Variants in KCNK9 observed in about 807,000 individuals in gnomAD.
KCNK9 encodes potassium channel subfamily K member 9.
In KCNK9, 1 loss-of-function variant was observed where a neutral mutation model predicts 10.8. The ratio of observed to expected loss-of-function variants is 0.09; its 90% CI spans 0.03 to 0.44. KCNK9 has a LOEUF of 0.44. Ranked by LOEUF, KCNK9 falls within the 20% of genes least tolerant of loss-of-function variation. The pLI, the probability that KCNK9 is intolerant of heterozygous loss-of-function variation, is 0.97. For synonymous variants in KCNK9, 231 were observed against 222.7 expected (o/e 1.04, Z -0.33); for missense variants, 303 against 515.0 (o/e 0.59, Z 3.98).
At chr8:139,651,536 G>A (rs1815864138) in intron 1 of KCNK9, among the ~76,000 whole-genome samples, 1 of 152,144 alleles carries the variant, frequency 6.6e-6, no homozygotes, top group Non-Finnish European at 1.5e-5. Flanking sequence ...ATTAAAGGGT[G>A]GAATTGGATA....
chr8:139,618,460 C>T lies in KCNK9; in HGVS notation c.923G>A (p.Gly308Asp), dbSNP rs758730965. ...GTTCTGCGGTGCCACCGAGCGGCCG[C>T]CATAGTCCTGCGAGCGGTAGCAGGT... ...SCTCYRSQDY[G>D]GRSVAPQNSF... Residue 308 changes from glycine to aspartate, a missense_variant, in exon 2 of 2, where the codon GGC becomes GAC. This residue lies in a region of KCNK9 where 138 missense variants were observed against 161.1 expected (regional missense o/e 0.86). Coordinates refer to ENST00000520439, the MANE Select transcript of KCNK9 (RefSeq NM_001282534.2). The surrounding 1 kb of genome is among the most constrained non-coding windows in gnomAD (Gnocchi z 7.9). 7.2e-5 allele frequency: 116 copies of T among 1,614,104 alleles called. 1 individual carries two copies. The South Asian group carries it at 1.3e-3, about 18-fold the overall frequency.
chr8:139,630,623 C>T (rs1405360492), intron 1 of KCNK9, among the ~76,000 whole-genome samples: 1 of 152,196 alleles, frequency 6.6e-6, no homozygotes, highest in African/African-American at 2.4e-5. Context: ...GGTGGCAGCT[C>T]GGAGAGGGTG....
At chr8:139,616,693 C>G (rs1263421324), downstream of KCNK9, 1 of 152,176 alleles carries the variant, frequency 6.6e-6, no homozygotes, top group African/African-American at 2.4e-5. Flanking sequence ...AACCGTGTTC[C>G]TTCTGAGTAT....
intron 1 of KCNK9, among the ~76,000 whole-genome samples, chr8:139,648,576 G>A (rs1022348364): frequency 2.0e-5 from 3 of 152,134 alleles, no homozygotes; most frequent in Admixed American, 6.5e-5. Context: ...TCAGGAACTC[G>A]CCGGTCCCTG....
chr8:139,604,375 C>A (rs1031513430), intron 2 of KCNK9, among the ~76,000 whole-genome samples: 1 of 152,070 alleles, frequency 6.6e-6, no homozygotes, highest in African/African-American at 2.4e-5. Flanking sequence ...TGGAGAGGCA[C>A]CCTCCAAGAA....
downstream of KCNK9, among the ~76,000 whole-genome samples, chr8:139,608,621 C>CG (rs1311604676): frequency 1.5e-3 from 132 of 88,798 alleles, 1 homozygote; most frequent in East Asian, 1.7e-3. Context: ...GCAGGCTTTG[C>CG]GGGGGGGCGG....
intron 1 of KCNK9, among the ~76,000 whole-genome samples, chr8:139,700,544 G>A (rs75615304): frequency 0.053 from 7,586 of 142,578 alleles, 253 homozygotes; most frequent in East Asian, 0.16. Context: ...ACACACGCGC[G>A]CACACACACA....
Position 139,702,703 on chromosome 8 carries a change from C to A in KCNK9, c.283+7G>T, listed in dbSNP as rs565413028. 3 of 1,604,830 alleles carry A rather than the reference C, an allele frequency of 1.9e-6. No homozygotes were observed. Among genetic ancestry groups the A allele is most frequent in the Non-Finnish European group, 2.5e-6 (3 of 1,178,034 alleles). On this transcript the variant is annotated splice_region_variant and intron_variant, in intron 1 of 1. Coordinates refer to ENST00000520439, the MANE Select transcript of KCNK9 (RefSeq NM_001282534.2). The surrounding 1 kb of genome is among the most constrained non-coding windows in gnomAD (Gnocchi z 7.5). ...CGCGGGAGCCCAGCGGCGCGCCCAGCCCTTACCTATGGTGGTGATGACCGT... is the reference window on the plus strand; with the variant it reads ...CGCGGGAGCCCAGCGGCGCGCCCAGACCTTACCTATGGTGGTGATGACCGT...
At chr8:139,623,643 AC>A (rs1814865273) in intron 1 of KCNK9, among the ~76,000 whole-genome samples, 1 of 151,686 alleles carries the variant, frequency 6.6e-6, no homozygotes, top group South Asian at 2.1e-4. Context: ...CTCCTACAAT[AC>A]CCTACCGCCC....
chr8:139,625,926 G>C (rs1814958729), intron 1 of KCNK9, among the ~76,000 whole-genome samples: 2 of 152,132 alleles, frequency 1.3e-5, no homozygotes, highest in African/African-American at 4.8e-5. Flanking sequence ...GCAGCCACCA[G>C]GTACCAGAAG....
At chr8:139,660,849 C>T (rs1221370856) in intron 1 of KCNK9, among the ~76,000 whole-genome samples, 3 of 152,086 alleles carry the variant, frequency 2.0e-5, no homozygotes, top group Non-Finnish European at 4.4e-5. Flanking sequence ...ACATCACCTG[C>T]CTAAGGAGGC....
intron 1 of KCNK9, among the ~76,000 whole-genome samples, chr8:139,669,251 C>T (rs984042669): frequency 6.6e-6 from 1 of 152,164 alleles, no homozygotes; most frequent in Non-Finnish European, 1.5e-5. Context: ...GTGGCTGTTG[C>T]AGTTTCTTAA....
intron 1 of KCNK9, among the ~76,000 whole-genome samples, chr8:139,660,081 T>C (rs1264557404): frequency 6.6e-6 from 1 of 152,192 alleles, no homozygotes; most frequent in Non-Finnish European, 1.5e-5. Context: ...TGTTGCCTAT[T>C]CAGTAAAATT....
At chr8:139,656,058 T>C (rs1279942398) in intron 1 of KCNK9, among the ~76,000 whole-genome samples, 1 of 152,066 alleles carries the variant, frequency 6.6e-6, no homozygotes, top group Non-Finnish European at 1.5e-5. Context: ...CTCCGGGACA[T>C]TCAAACAATT....
intron 1 of KCNK9, among the ~76,000 whole-genome samples, chr8:139,701,834 C>T (rs1363364660): frequency 2.0e-5 from 3 of 152,194 alleles, no homozygotes; most frequent in Non-Finnish European, 4.4e-5. Context: ...GGACACTGCC[C>T]TCGGGACCGA....
chr8:139,602,425 G>T (rs1817394067), intron 2 of KCNK9, among the ~76,000 whole-genome samples: 1 of 152,192 alleles, frequency 6.6e-6, no homozygotes, highest in Non-Finnish European at 1.5e-5. Context: ...TTGTAAATCT[G>T]CACAAAAGGG....
At position 139,663,486 on chromosome 8, in the gene KCNK9, AC is replaced by A. The variant is rs1297358422; in HGVS notation, c.283+39223del. Reference sequence around the variant, plus strand: ...CGCGAAAGACAGTGAGGCGAGAGTGACACTTGGTGATGACAGCATTGCTTCC... The same window carrying A: ...CGCGAAAGACAGTGAGGCGAGAGTGAACTTGGTGATGACAGCATTGCTTCC... On this transcript the variant is annotated intron_variant, in intron 1 of 1. Transcript: ENST00000520439. 2.6e-5 allele frequency among the ~76,000 whole-genome samples: 4 copies of A among 152,138 alleles called. No individual in the cohort carries two copies. In the East Asian group the frequency reaches 5.8e-4, roughly 22 times the overall value.
chr8:139,692,197 C>T (rs1816947393), intron 1 of KCNK9, among the ~76,000 whole-genome samples: 1 of 152,220 alleles, frequency 6.6e-6, no homozygotes, highest in African/African-American at 2.4e-5. Flanking sequence ...GTCTGCCTGC[C>T]CCACGCTTCG....
chr8:139,612,976 A>G (rs902387812), downstream of KCNK9, among the ~76,000 whole-genome samples: 1 of 152,150 alleles, frequency 6.6e-6, no homozygotes, highest in Non-Finnish European at 1.5e-5. Context: ...CAATTATGGG[A>G]GGTGATCTTG....
Sources: gnomAD v4.1 joint callset for allele counts (sites outside exome capture counted in the v4.1 genomes callset) on GRCh38, gnomAD v4.1.1 for gene constraint, gnomAD v4.1.1 regional missense constraint, Gnocchi (gnomAD v3.1) non-coding constraint, MANE v1.5 for transcripts, NCBI Gene and HGNC (gene_info 2026-07-23, HGNC 2026-07-21) for gene names.